ZNF239: variants seen among roughly 807,000 people sequenced by gnomAD.
The protein encoded by ZNF239 is zinc finger protein (C2H2) homologous to mouse MOK-2.
A neutral mutation model predicts 27.5 loss-of-function variants in ZNF239; 16 were observed. The ratio of observed to expected loss-of-function variants is 0.58; its 90% CI spans 0.39 to 0.88. ZNF239 has a LOEUF of 0.88. Ranked by LOEUF, ZNF239 falls within the 40% of genes least tolerant of loss-of-function variation. The pLI is 0.00. For synonymous variants in ZNF239, 199 were observed against 192.6 expected, an observed-to-expected ratio of 1.03 and a Z score of -0.27; for missense variants, 527 against 551.9, an observed-to-expected ratio of 0.95 and a Z score of 0.45.
At chr10:43,561,037 G>T (rs1837207341) in intron 3 of ZNF239, among the ~76,000 whole-genome samples, 1 of 152,154 alleles carries the variant, frequency 6.6e-6, no homozygotes, top group Non-Finnish European at 1.5e-5. Context: ...TCAAACGCCT[G>T]CAATCTAGAT....
At chr10:43,569,327 A>C (rs1041765119) in intron 2 of ZNF239, among the ~76,000 whole-genome samples, 5 of 152,136 alleles carry the variant, frequency 3.3e-5, no homozygotes, top group African/African-American at 9.7e-5. Flanking sequence ...TGCTCCCCCA[A>C]ACATGAGTTT....
Position 43,556,674 on chromosome 10 carries a change from C to A in ZNF239, c.*29G>T, listed in dbSNP as rs2132208737. 1 of 1,599,996 alleles carries A rather than the reference C, an allele frequency of 6.3e-7. No individual in the cohort carries two copies. Among genetic ancestry groups the A allele is most frequent in the Admixed American group, 1.7e-5 (1 of 59,076 alleles). ...TTTAACAGTTTTTACAGTATGAGCG[C>A]TGTGAAGACCTGAATGGGCTAATGT... On this transcript the variant is annotated 3_prime_UTR_variant, in exon 4 of 4. Transcript: ENST00000374446.
chr10:43,568,160 C>T (rs1042432583), intron 2 of ZNF239, 139 bp from the exon 3 acceptor site: 1 of 985,366 alleles, frequency 1.0e-6, no homozygotes, highest in African/African-American at 1.7e-5. Flanking sequence ...GTGAGCTAAG[C>T]CAAGTTTTGT....
intron 3 of ZNF239, 67 bp downstream of exon 3, chr10:43,567,832 G>T: frequency 1.2e-6 from 1 of 856,494 alleles, no homozygotes; most frequent in Non-Finnish European, 1.4e-6. Context: ...ATCCTTTTGT[G>T]TCAAAAAGGA....
In ZNF239 at chr10:43,556,444, G is replaced by T; in HGVS notation, c.*259C>A. ...TAAAGTTCTTGCCGTTAAAATGCTGGGTAGAACATGTAGTTGAATTGTAAA... is the reference window on the plus strand; with the variant it reads ...TAAAGTTCTTGCCGTTAAAATGCTGTGTAGAACATGTAGTTGAATTGTAAA... On this transcript the variant is annotated 3_prime_UTR_variant, in exon 4 of 4. Coordinates refer to ENST00000374446, the MANE Select transcript of ZNF239 (RefSeq NM_001099282.2). 1 of 428,504 alleles carries T rather than the reference G, an allele frequency of 2.3e-6. No homozygotes were observed. Among genetic ancestry groups the T allele is most frequent in the Non-Finnish European group, 4.1e-6 (1 of 242,450 alleles). The allele number at this position is 428,504 out of a possible 1,614,324, so 26.5% of individuals were successfully genotyped here.
Position 43,568,039 on chromosome 10 carries a change from T to A in ZNF239, c.-215-18A>T. 1 of 985,888 alleles carries A rather than the reference T, an allele frequency of 1.0e-6. No individual in the cohort carries two copies. The highest frequency in any genetic ancestry group is 1.2e-6 in the Non-Finnish European group (1 of 830,030). 61.1% of individuals were successfully genotyped at this position (985,888 alleles called of 1,614,324 possible). On this transcript the variant is annotated intron_variant, in intron 2 of 3. Coordinates refer to ENST00000374446, the MANE Select transcript of ZNF239 (RefSeq NM_001099282.2). ...ACTGGTTCCTAAAACATTAAGCACA[T>A]TCCTCCTCAACAAACAACCATCTGC...
Position 43,557,600 on chromosome 10 carries a change from C to T in ZNF239, c.480G>A (p.Trp160Ter), listed in dbSNP as rs1430204905. ...GACTACAACTGACCACCTGTGATTT[C>T]CATCCATGAATGTCTTTGCAGTTAC... ...IDCNCKDIHG[W>*]KSQVVSCSQQ... Residue 160 changes from tryptophan (W) to a stop codon, truncating the protein, a stop_gained, in exon 4 of 4, where the codon TGG becomes TGA. Transcript: ENST00000374446. LOFTEE classifies it high-confidence loss of function. 6.2e-7 allele frequency: 1 copy of T among 1,614,090 alleles called. No individual in the cohort carries two copies. Among genetic ancestry groups the T allele is most frequent in the African/African-American group, 1.3e-5 (1 of 74,942 alleles).
chr10:43,563,303 G>A (rs760622107), intron 3 of ZNF239, among the ~76,000 whole-genome samples: 3 of 152,010 alleles, frequency 2.0e-5, no homozygotes, highest in African/African-American at 7.3e-5. Flanking sequence ...GCGACAGAGT[G>A]AGCCTTCGTC....
At chr10:43,564,037 C>T (rs558342529) in intron 3 of ZNF239, among the ~76,000 whole-genome samples, 25 of 152,302 alleles carry the variant, frequency 1.6e-4, no homozygotes, top group African/African-American at 5.5e-4. Flanking sequence ...CACCTCTTCT[C>T]AGTCCTTCTT....
chr10:43,560,785 G>A (rs1837187943), intron 3 of ZNF239, among the ~76,000 whole-genome samples: 1 of 151,804 alleles, frequency 6.6e-6, no homozygotes, highest in African/African-American at 2.4e-5. Flanking sequence ...ATGGGTTGAG[G>A]ACACACTCCA....
At chr10:43,571,579 A>G (rs1832472) in intron 2 of ZNF239, among the ~76,000 whole-genome samples, 107,644 of 151,894 alleles carry the variant, frequency 0.71, 38,610 homozygotes, top group East Asian at 1. Context: ...TGTTGTTTGA[A>G]ACAGAGTCTC....
intron 3 of ZNF239, among the ~76,000 whole-genome samples, chr10:43,564,988 C>T (rs1837528987): frequency 6.6e-6 from 1 of 152,224 alleles, no homozygotes; most frequent in African/African-American, 2.4e-5. Context: ...AAATGTGTAA[C>T]AGCTCCTCCT....
rs368177500 is a variant in ZNF239 at position 43,557,462 on chromosome 10, T to C, written c.618A>G (p.Gln206=). ...TCTTACCACACTGACTACATTCGTATTGTTTCTCTGCAGTGTGGATTTTCT... is the reference window on the plus strand; with the variant it reads ...TCTTACCACACTGACTACATTCGTACTGTTTCTCTGCAGTGTGGATTTTCT... ...PYEKIHTAEK[Q]YECSQCGKNF... Residue 206 remains glutamine, a synonymous_variant, in exon 4 of 4, where the codon CAA becomes CAG. Transcript: ENST00000374446. 6.2e-7 allele frequency: 1 copy of C among 1,614,026 alleles called. No individual in the cohort carries two copies. The highest frequency in any genetic ancestry group is 8.5e-7 in the Non-Finnish European group (1 of 1,180,002).
chr10:43,566,461 TATTTTGTAGAG>T, intron 3 of ZNF239, among the ~76,000 whole-genome samples: 2 of 152,282 alleles, frequency 1.3e-5, no homozygotes, highest in South Asian at 4.1e-4. Context: ...AATTTTTGTA[TATTTTGTAGAG>T]ACAGGGTTTC....
rs746317301 is a variant in ZNF239, at chr10:43,558,118, G to T, written c.-39C>A. On this transcript the variant is annotated 5_prime_UTR_variant, in exon 4 of 4. In the 5' UTR this introduces an upstream ATG that the reference lacks. Coordinates refer to ENST00000374446, the MANE Select transcript of ZNF239 (RefSeq NM_001099282.2). ...AGCCAGGAGGAAAGCTCATGTAACAGATCCTGAAGTGTTTTCTGCTGAAGA... is the reference window on the plus strand; with the variant it reads ...AGCCAGGAGGAAAGCTCATGTAACATATCCTGAAGTGTTTTCTGCTGAAGA... 71 of 1,571,224 alleles carry T rather than the reference G, an allele frequency of 4.5e-5. No homozygotes were observed. Among genetic ancestry groups the T allele is most frequent in the Non-Finnish European group, 5.7e-5 (66 of 1,159,058 alleles).
At chr10:43,561,465 A>C (rs1314938890) in intron 3 of ZNF239, among the ~76,000 whole-genome samples, 2 of 152,242 alleles carry the variant, frequency 1.3e-5, no homozygotes, top group Admixed American at 6.5e-5. Flanking sequence ...CAATATTGCA[A>C]ATCTTCAATA....
At chr10:43,566,328 C>T (rs1025934433) in intron 3 of ZNF239, among the ~76,000 whole-genome samples, 2 of 152,008 alleles carry the variant, frequency 1.3e-5, no homozygotes, top group Non-Finnish European at 2.9e-5. Context: ...TCACGGTCAC[C>T]AGGGCAGGAG....
In ZNF239 at chr10:43,556,702, G is replaced by T. The variant is rs760896991; in HGVS notation, c.*1C>A. ...TGAAGACCTGAATGGGCTAATGTCA[G>T]TTAGCGAGGATCTTTCTTGTGAACC... On this transcript the variant is annotated 3_prime_UTR_variant, in exon 4 of 4. Coordinates refer to ENST00000374446, the MANE Select transcript of ZNF239 (RefSeq NM_001099282.2). 1.1e-5 allele frequency: 18 copies of T among 1,611,702 alleles called. No individual in the cohort carries two copies. In the Admixed American group the frequency reaches 3.0e-4, roughly 27 times the overall value.
chr10:43,565,817 G>GAAAAA (rs36039838), intron 3 of ZNF239, among the ~76,000 whole-genome samples: 1,599 of 67,232 alleles, frequency 0.024, 16 homozygotes, highest in Non-Finnish European at 0.026. Flanking sequence ...TCCATCTCAA[G>GAAAAA]AAAAAAAAAA....
Sources: gnomAD v4.1 joint callset for allele counts (sites outside exome capture counted in the v4.1 genomes callset) on GRCh38, gnomAD v4.1.1 for gene constraint, MANE v1.5 for transcripts, NCBI Gene and HGNC (gene_info 2026-07-23, HGNC 2026-07-21) for gene names.